Variants in IRGM observed in about 807,000 individuals in gnomAD.
IRGM encodes immunity-related GTPase family M protein.
For synonymous variants in IRGM, 98 were observed against 80.6 expected, an observed-to-expected ratio of 1.22 and a Z score of -1.16; for missense variants, 288 against 219.9, an observed-to-expected ratio of 1.31 and a Z score of -1.96.
chr5:150,852,247 A>G (rs1477460172), downstream of IRGM, among the ~76,000 whole-genome samples: 1 of 152,198 alleles, frequency 6.6e-6, no homozygotes, highest in Non-Finnish European at 1.5e-5. Context: ...TACTTCTGAC[A>G]TTACTATAAA....
intron 3 of IRGM, among the ~76,000 whole-genome samples, chr5:150,887,398 A>G (rs1271745100): frequency 6.6e-6 from 1 of 152,084 alleles, no homozygotes; most frequent in African/African-American, 2.4e-5. Flanking sequence ...TAAATAGGAA[A>G]GAATTAAAAG....
At chr5:150,858,267 T>C (rs1237134208) in intron 1 of IRGM, among the ~76,000 whole-genome samples, 1 of 152,156 alleles carries the variant, frequency 6.6e-6, no homozygotes, top group East Asian at 1.9e-4. Context: ...AGGGCTCTGT[T>C]CTGTTCCATT....
chr5:150,859,411 G>A (rs571696269), intron 1 of IRGM, among the ~76,000 whole-genome samples: 421 of 152,278 alleles, frequency 2.8e-3, no homozygotes, highest in African/African-American at 9.7e-3. Context: ...GTCTCTGCCA[G>A]GCTTTGGTAT....
chr5:150,897,986 G>T lies in IRGM; in HGVS notation c.*141-2603G>T, dbSNP rs1418059574. 3 of 1,519,054 alleles carry T rather than the reference G, an allele frequency of 2.0e-6. No individual in the cohort carries two copies. The African/African-American group carries it at 4.2e-5, about 21-fold the overall frequency. 94.1% of individuals were successfully genotyped at this position (1,519,054 alleles called of 1,614,324 possible). Reference sequence around the variant, plus strand: ...TTCTCAGCATAGAAGCAAAGAATAGGAGATTTTGATAAGGATAGAAACATA... The same window carrying T: ...TTCTCAGCATAGAAGCAAAGAATAGTAGATTTTGATAAGGATAGAAACATA... On this transcript the variant is annotated intron_variant and NMD_transcript_variant, in intron 3 of 3. Coordinates refer to the IRGM transcript ENST00000520549.
intron 3 of IRGM, among the ~76,000 whole-genome samples, chr5:150,888,892 C>T (rs1225363275): frequency 6.6e-6 from 1 of 152,030 alleles, no homozygotes; most frequent in African/African-American, 2.4e-5. Context: ...ATCTTAACAA[C>T]ATTGAGCCTT....
At position 150,847,809 on chromosome 5, in the gene IRGM, T is replaced by TTGTGTTTGTTTG; in HGVS notation, c.-314_-313insGTGTTTGTTTGT. On this transcript the variant is annotated 5_prime_UTR_variant, in exon 2 of 2. Transcript: ENST00000522154. Reference sequence around the variant, plus strand: ...TTTTTGCCACACCATAAGCATTGGGTTTTGTTTGTTTTGAGATGGAGTCTT... The same window carrying TTGTGTTTGTTTG: ...TTTTTGCCACACCATAAGCATTGGGTTGTGTTTGTTTGTTTGTTTGTTTTGAGATGGAGTCTT... 1 of 276,726 alleles carries TTGTGTTTGTTTG rather than the reference T, an allele frequency of 3.6e-6. No individual in the cohort carries two copies. Among genetic ancestry groups the TTGTGTTTGTTTG allele is most frequent in the Non-Finnish European group, 6.8e-6 (1 of 146,276 alleles). The allele number at this position is 276,726 out of a possible 1,614,324, so 17.1% of individuals were successfully genotyped here.
chr5:150,896,844 CCAT>C (rs777956494), intron 3 of IRGM: 1 of 1,613,710 alleles, frequency 6.2e-7, no homozygotes, highest in African/African-American at 1.3e-5. Flanking sequence ...CTGCAGCTGA[CCAT>C]CACCTTGACA....
intron 3 of IRGM, among the ~76,000 whole-genome samples, chr5:150,885,254 A>C (rs1256908103): frequency 6.6e-6 from 1 of 151,950 alleles, no homozygotes; most frequent in Non-Finnish European, 1.5e-5. Flanking sequence ...GGAGCTCTCT[A>C]TCCTGTTCCA....
In IRGM at chr5:150,896,947, G is replaced by T. The variant is rs1754812334; in HGVS notation, c.*141-3642G>T. ...GAAACTGTCCCCAAAATACATGACT[G>T]GGAGTTGTGAAGGTTACTCTTCCTG... is the stretch of plus-strand genomic sequence containing the variant. On this transcript the variant is annotated intron_variant and NMD_transcript_variant, in intron 3 of 3. Transcript: ENST00000520549. The T allele has an allele frequency of 1.9e-6, 3 of 1,612,010 alleles. No homozygotes were observed. In the African/African-American group the frequency reaches 4.0e-5, roughly 22 times the overall value.
intron 1 of IRGM, among the ~76,000 whole-genome samples, chr5:150,863,936 A>G (rs1754170731): frequency 6.6e-6 from 1 of 152,242 alleles, no homozygotes; most frequent in Admixed American, 6.5e-5. Context: ...CTTACCAAGC[A>G]GCCTGTCAAA....
intron 3 of IRGM, among the ~76,000 whole-genome samples, chr5:150,892,876 T>C (rs1237308300): frequency 6.6e-6 from 1 of 152,062 alleles, no homozygotes. Context: ...TCTTAAAGTA[T>C]GGGGATTACG....
intron 1 of IRGM, among the ~76,000 whole-genome samples, chr5:150,861,182 G>A (rs780989611): frequency 1.3e-5 from 2 of 152,220 alleles, no homozygotes; most frequent in Non-Finnish European, 2.9e-5. Context: ...TTTGGAATGT[G>A]TACGATGGTG....
At chr5:150,889,986 T>C (rs990326833) in intron 3 of IRGM, among the ~76,000 whole-genome samples, 3 of 152,080 alleles carry the variant, frequency 2.0e-5, no homozygotes, top group African/African-American at 7.2e-5. Flanking sequence ...TATTTTCTTA[T>C]AATATCTTCT....
Position 150,848,290 on chromosome 5 carries a change from CAGGACATG to C in IRGM, c.171_178del (p.His58Ter), listed in dbSNP as rs1753911679. The C allele has an allele frequency of 6.4e-7, 1 of 1,551,724 alleles. No individual in the cohort carries two copies. Among genetic ancestry groups the C allele is most frequent in the Non-Finnish European group, 8.7e-7 (1 of 1,146,998 alleles). On this transcript the variant is annotated frameshift_variant, in exon 2 of 2. Transcript: ENST00000522154. LOFTEE classifies it low-confidence loss of function (END_TRUNC). ...ACCTTCATCAGTGCCCTTCGAAACA[CAGGACATG>C]AGGGTAAGGCCTCACCTCCTACTGA...
intron 3 of IRGM, among the ~76,000 whole-genome samples, chr5:150,889,047 A>G (rs3857422): frequency 0.21 from 31,770 of 151,914 alleles, 5,358 homozygotes; most frequent in African/African-American, 0.45. Context: ...TCAAATTTCA[A>G]TTTCTGATTG....
rs987022403 is a variant in IRGM at position 150,856,911 on chromosome 5, A to ATATTTAT, written c.158+8277_158+8283dup. On this transcript the variant is annotated intron_variant and NMD_transcript_variant, in intron 1 of 3. Coordinates refer to the IRGM transcript ENST00000520549. ...TAATTAAATATTATTAAATAAATAA[A>ATATTTAT]TATTTATTATTTATTATTTATTATT... Among the ~76,000 whole-genome samples the ATATTTAT allele has an allele frequency of 5.7e-5, 4 of 70,686 alleles. No homozygotes were observed. In the South Asian group the frequency reaches 1.0e-3, roughly 18 times the overall value. The allele number at this position is 70,686 out of a possible 152,430, so 46.4% of individuals were successfully genotyped here. A position where few individuals can be genotyped will look rare whatever the true frequency, so the allele number is the denominator to read the frequency against.
In IRGM at chr5:150,848,594, C is replaced by T. The variant is rs1473811756; in HGVS notation, c.471C>T (p.Leu157=). The T allele has an allele frequency of 6.4e-7, 1 of 1,551,416 alleles. No homozygotes were observed. The highest frequency in any genetic ancestry group is 8.7e-7 in the Non-Finnish European group (1 of 1,146,614). The change falls in exon 2 of 2, where the codon CTC becomes CTT. Residue 157 remains leucine (L), a synonymous_variant. Coordinates refer to ENST00000522154, the MANE Select transcript of IRGM (RefSeq NM_001145805.2). ...ACATGGACCTCAGCACAGGTGCCCT[C>T]CCAGAAGTGCAGCTACTGCAGATCA... ...KLDMDLSTGA[L]PEVQLLQIRE... is the part of the protein sequence containing the mutation.
Position 150,848,076 on chromosome 5 carries a change from C to G in IRGM, c.-48C>G. 6.9e-7 allele frequency: 1 copy of G among 1,453,014 alleles called. No individual in the cohort carries two copies. The allele number at this position is 1,453,014 out of a possible 1,614,324, so 90.0% of individuals were successfully genotyped here. A position where few individuals can be genotyped will look rare whatever the true frequency, so the allele number is the denominator to read the frequency against. On this transcript the variant is annotated 5_prime_UTR_variant, in exon 2 of 2. Transcript: ENST00000522154. ...TCGGCCTTCCAAAGTGCTGGGATTA[C>G]AGGCATGAGCCACGGCGCCTGGCCA...
rs576382422 is a variant in IRGM, at chr5:150,900,352, C to A, written c.*141-237C>A. 1.1e-4 allele frequency among the ~76,000 whole-genome samples: 16 copies of A among 152,178 alleles called. 1 individual carries two copies. The South Asian group carries it at 1.2e-3, about 12-fold the overall frequency. On this transcript the variant is annotated intron_variant and NMD_transcript_variant, in intron 3 of 3. Coordinates refer to the IRGM transcript ENST00000520549. ...TCCTAAAATCACTCTGCCCTTTCTA[C>A]TTTTACAAATGCTGCTTCCTGTCCT... is the stretch of plus-strand genomic sequence containing the variant.
Sources: gnomAD v4.1 joint callset for allele counts (sites outside exome capture counted in the v4.1 genomes callset) on GRCh38, gnomAD v4.1.1 for gene constraint, MANE v1.5 for transcripts, NCBI Gene and HGNC (gene_info 2026-07-23, HGNC 2026-07-21) for gene names.